The following DPYSL2 variants were observed in gnomAD, a reference collection of about 807,000 sequenced individuals.
The protein encoded by DPYSL2 is dihydropyrimidinase-related protein 2.
A neutral mutation model predicts 69.9 loss-of-function variants in DPYSL2; 13 were observed. That is an observed-to-expected ratio of 0.19 (90% CI 0.12 to 0.30). The LOEUF is 0.30. Among genes scored for constraint, DPYSL2 ranks in the 10% least tolerant of loss-of-function variants. DPYSL2 has a pLI of 1.00. For synonymous variants in DPYSL2, 326 were observed against 359.1 expected, an observed-to-expected ratio of 0.91 and a Z score of 1.04; for missense variants, 587 against 918.9, an observed-to-expected ratio of 0.64 and a Z score of 4.67.
intron 1 of DPYSL2, among the ~76,000 whole-genome samples, chr8:26,567,089 CATCCATCCATCCATCCACCCATCCACTT>C (rs1173153532): frequency 2.0e-5 from 3 of 151,644 alleles, no homozygotes; most frequent in Non-Finnish European, 2.9e-5. Context: ...CCCACACATC[CATCCATCCATCCATCCACCCATCCACTT>C]ATCCATCCAT....
chr8:26,655,712 C>T lies in DPYSL2; in HGVS notation c.*6C>T. On this transcript the variant is annotated 3_prime_UTR_variant, in exon 14 of 14. Coordinates refer to ENST00000521913, the MANE Select transcript of DPYSL2 (RefSeq NM_001197293.3). ...ACATCACCAGCCTGGGCTAGAGCTCCTGGGCTGTGCCGTCCACTGGGGACT... is the reference window on the plus strand; with the variant it reads ...ACATCACCAGCCTGGGCTAGAGCTCTTGGGCTGTGCCGTCCACTGGGGACT... 2 of 1,597,940 alleles carry T rather than the reference C, an allele frequency of 1.3e-6. No individual in the cohort carries two copies. Among genetic ancestry groups the T allele is most frequent in the Non-Finnish European group, 1.7e-6 (2 of 1,174,122 alleles).
chr8:26,606,042 A>G (rs1437217756), intron 3 of DPYSL2, among the ~76,000 whole-genome samples: 9 of 152,188 alleles, frequency 5.9e-5, no homozygotes, highest in Admixed American at 5.9e-4. Context: ...TACTGGCTAG[A>G]TATTAAAACA....
At chr8:26,651,219 A>G (rs1423063504) in intron 11 of DPYSL2, among the ~76,000 whole-genome samples, 2 of 152,142 alleles carry the variant, frequency 1.3e-5, no homozygotes, top group Non-Finnish European at 2.9e-5. Flanking sequence ...TTCACCCAAC[A>G]TTGTATGCGG....
At chr8:26,606,154 A>G (rs1362051897) in intron 3 of DPYSL2, among the ~76,000 whole-genome samples, 1 of 152,244 alleles carries the variant, frequency 6.6e-6, no homozygotes, top group Non-Finnish European at 1.5e-5. Flanking sequence ...GACTAACTGT[A>G]TCTAGGTATT....
chr8:26,574,044 T>C (rs418624), intron 1 of DPYSL2, among the ~76,000 whole-genome samples: 100,894 of 151,854 alleles, frequency 0.66, 34,082 homozygotes, highest in East Asian at 0.93. Flanking sequence ...AGAGGGGGCT[T>C]TTTGCTTCTA....
chr8:26,651,497 C>T (rs978438805), intron 11 of DPYSL2, among the ~76,000 whole-genome samples: 1 of 152,120 alleles, frequency 6.6e-6, no homozygotes. Context: ...CAGGAAGAAG[C>T]GGGAGGCATT....
intron 7 of DPYSL2, among the ~76,000 whole-genome samples, chr8:26,629,564 T>C (rs1044371503): frequency 2.6e-5 from 4 of 152,126 alleles, no homozygotes; most frequent in African/African-American, 9.7e-5. Flanking sequence ...TCATGCGTGC[T>C]AAAGGCTGAA....
rs1040375305 is a variant in DPYSL2, at chr8:26,643,337, T to C, written c.1127-102T>C. On this transcript the variant is annotated intron_variant, in intron 8 of 13. Transcript: ENST00000521913. This position sits in a 1 kb window ranked among gnomAD's most constrained non-coding sequence, Gnocchi z 6.5. ...CCTGATATTTCCTATAAAGGGATAGTGAGTGCACTGGGTGCTGCTGGGCAG... is the reference window on the plus strand; with the variant it reads ...CCTGATATTTCCTATAAAGGGATAGCGAGTGCACTGGGTGCTGCTGGGCAG... The C allele has an allele frequency of 7.1e-6, 9 of 1,258,806 alleles. No individual in the cohort carries two copies. The African/African-American group carries it at 9.1e-5, about 13-fold the overall frequency. The allele number at this position is 1,258,806 out of a possible 1,614,324, so 78.0% of individuals were successfully genotyped here.
intron 3 of DPYSL2, among the ~76,000 whole-genome samples, chr8:26,616,119 T>C (rs1802340738): frequency 6.6e-6 from 1 of 152,218 alleles, no homozygotes; most frequent in South Asian, 2.1e-4. Context: ...TTTGAACTTC[T>C]TGTCTAAAGT....
chr8:26,604,941 T>C (rs1264596417), intron 3 of DPYSL2, among the ~76,000 whole-genome samples: 1 of 152,204 alleles, frequency 6.6e-6, no homozygotes, highest in African/African-American at 2.4e-5. Flanking sequence ...ATTACAGGCT[T>C]GAGCCACTGT....
intron 1 of DPYSL2, among the ~76,000 whole-genome samples, chr8:26,531,362 A>G (rs1800508736): frequency 6.6e-6 from 1 of 152,078 alleles, no homozygotes; most frequent in Admixed American, 6.6e-5. Context: ...GTATGCAGAG[A>G]TCACCTCTCA....
chr8:26,535,827 G>A (rs17404138), intron 1 of DPYSL2, among the ~76,000 whole-genome samples: 10,913 of 151,762 alleles, frequency 0.072, 467 homozygotes, highest in South Asian at 0.22. Flanking sequence ...AAACAGTGGC[G>A]TTGTCCTTGT....
rs1386431066 is a variant in DPYSL2, at chr8:26,642,124, G to A, written c.1127-1315G>A. On this transcript the variant is annotated intron_variant, in intron 8 of 13. Coordinates refer to ENST00000521913, the MANE Select transcript of DPYSL2 (RefSeq NM_001197293.3). This position sits in a 1 kb window ranked among gnomAD's most constrained non-coding sequence, Gnocchi z 5.3. ...TCAGCTGACCTGGGATCAAATTCCA[G>A]CTTGGATGCCTTTAATTAATAACAT... Among the ~76,000 whole-genome samples the A allele has an allele frequency of 6.6e-6, 1 of 152,224 alleles. No homozygotes were observed. Among genetic ancestry groups the A allele is most frequent in the Admixed American group, 6.5e-5 (1 of 15,270 alleles).
chr8:26,577,745 C>CGCCGCCT (rs1801386478), intron 1 of DPYSL2: 27 of 945,106 alleles, frequency 2.9e-5, no homozygotes, highest in Non-Finnish European at 3.3e-5. Flanking sequence ...CGGGCGCTCG[C>CGCCGCCT]GCCGCCTGCC....
rs1343612663 is a variant in DPYSL2, at chr8:26,587,411, C to T, written c.628+3428C>T. On this transcript the variant is annotated intron_variant, in intron 3 of 13. Coordinates refer to ENST00000521913, the MANE Select transcript of DPYSL2 (RefSeq NM_001197293.3). This position sits in a 1 kb window ranked among gnomAD's most constrained non-coding sequence, Gnocchi z 4.2. ...CCTGGCTTTCTGGCCTTCTCCAGAC[C>T]ATGTCACCATGTCACCTGCCCTCAC... Among the ~76,000 whole-genome samples, 3 of 152,196 alleles carry T rather than the reference C, an allele frequency of 2.0e-5. No homozygotes were observed. Among genetic ancestry groups the T allele is most frequent in the South Asian group, 2.1e-4 (1 of 4,828 alleles).
In DPYSL2 at chr8:26,597,635, C is replaced by T. The variant is rs1801892909; in HGVS notation, c.628+13652C>T. Among the ~76,000 whole-genome samples, 8 of 152,144 alleles carry T rather than the reference C, an allele frequency of 5.3e-5. No homozygotes were observed. In the South Asian group the frequency reaches 1.7e-3, roughly 32 times the overall value. On this transcript the variant is annotated intron_variant, in intron 3 of 13. Transcript: ENST00000521913. The surrounding 1 kb of genome is among the most constrained non-coding windows in gnomAD (Gnocchi z 5.2). ...GACTACAGGCGCCCGCCACCACGCC[C>T]AACTAATATTTTGTATTTTTAGTAG...
Position 26,626,530 on chromosome 8 carries a change from C to T in DPYSL2, c.794-87C>T. The T allele has an allele frequency of 8.4e-7, 1 of 1,183,910 alleles. No individual in the cohort carries two copies. Among genetic ancestry groups the T allele is most frequent in the South Asian group, 1.3e-5 (1 of 77,648 alleles). 73.3% of individuals were successfully genotyped at this position (1,183,910 alleles called of 1,614,324 possible). ...ACACACACACACACACACGTACACA[C>T]ACAGACAGTATTATCACTTTCTTAT... On this transcript the variant is annotated intron_variant, in intron 4 of 13. Transcript: ENST00000521913. The surrounding 1 kb of genome is among the most constrained non-coding windows in gnomAD (Gnocchi z 4.3).
At chr8:26,603,079 T>A (rs1257504080) in intron 3 of DPYSL2, among the ~76,000 whole-genome samples, 1 of 152,232 alleles carries the variant, frequency 6.6e-6, no homozygotes, top group Non-Finnish European at 1.5e-5. Flanking sequence ...GACCATAGGA[T>A]GTTTGAGTTC....
In DPYSL2 at chr8:26,582,540, T is replaced by C. The variant is rs551116055; in HGVS notation, c.443+483T>C. Among the ~76,000 whole-genome samples, 10 of 152,370 alleles carry C rather than the reference T, an allele frequency of 6.6e-5. No homozygotes were observed. The highest frequency in any genetic ancestry group is 1.9e-4 in the African/African-American group (8 of 41,586). ...TAAGTAATACAGACAAATTACTGCC[T>C]AAATCCTGAGGGAATTTTAGGTTTT... is the stretch of plus-strand genomic sequence containing the variant. On this transcript the variant is annotated intron_variant, in intron 2 of 13. Transcript: ENST00000521913. The surrounding 1 kb of genome is among the most constrained non-coding windows in gnomAD (Gnocchi z 4.1).
Sources: allele counts gnomAD v4.1 joint callset (sites outside exome capture counted in the v4.1 genomes callset), GRCh38; gene constraint gnomAD v4.1.1; non-coding constraint Gnocchi (gnomAD v3.1); transcripts MANE v1.5; gene names NCBI Gene and HGNC (gene_info 2026-07-23, HGNC 2026-07-21).